STAG1: variants seen among roughly 807,000 people sequenced by gnomAD.
STAG1 encodes the protein STAG1 cohesin complex component.
A neutral mutation model predicts 170.9 loss-of-function variants in STAG1; 26 were observed. The observed-to-expected ratio is 0.15, with a 90% CI of 0.11 to 0.21. STAG1 has a LOEUF of 0.21. Among genes scored for constraint, STAG1 ranks in the 10% least tolerant of loss-of-function variants. The pLI, the probability that STAG1 is intolerant of heterozygous loss-of-function variation, is 1.00. For synonymous variants in STAG1, 514 were observed against 497.7 expected, an observed-to-expected ratio of 1.03 and a Z score of -0.44; for missense variants, 964 against 1,509.5, an observed-to-expected ratio of 0.64 and a Z score of 5.99.
rs2089136801 is a variant in STAG1, at chr3:136,457,180, C to T, written c.1314-5033G>A. Among the ~76,000 whole-genome samples, 4 of 152,192 alleles carry T rather than the reference C, an allele frequency of 2.6e-5. No homozygotes were observed. In the South Asian group the frequency reaches 8.3e-4, roughly 32 times the overall value. On this transcript the variant is annotated intron_variant, in intron 13 of 33. Coordinates refer to ENST00000383202, the MANE Select transcript of STAG1 (RefSeq NM_005862.3). The stretch of plus-strand genomic sequence containing the variant: ...GTCTGTGCCAAAGGGTGGAAGGCTG[C>T]CCTGCCGCACCACAAATATAAGCCC...
intron 21 of STAG1, among the ~76,000 whole-genome samples, chr3:136,410,401 T>C (rs2087593666): frequency 6.6e-6 from 1 of 151,846 alleles, no homozygotes; most frequent in Non-Finnish European, 1.5e-5. Context: ...AAGACTCTGT[T>C]TGAAAATAAA....
intron 7 of STAG1, among the ~76,000 whole-genome samples, chr3:136,515,852 T>A (rs138810355): frequency 6.6e-6 from 1 of 152,138 alleles, no homozygotes; most frequent in African/African-American, 2.4e-5. Context: ...CTATTGGGCA[T>A]TAATCCCACG....
chr3:136,585,185 T>C (rs1253625875), intron 4 of STAG1, among the ~76,000 whole-genome samples: 2 of 152,200 alleles, frequency 1.3e-5, no homozygotes, highest in African/African-American at 2.4e-5. Flanking sequence ...CTCACACCTA[T>C]AATCCCAGCA....
chr3:136,734,595 G>A (rs1934233311), intron 1 of STAG1, among the ~76,000 whole-genome samples: 1 of 152,068 alleles, frequency 6.6e-6, no homozygotes, highest in Admixed American at 6.6e-5. Flanking sequence ...GCAGCAGGGG[G>A]CACACTGACA....
intron 5 of STAG1, among the ~76,000 whole-genome samples, chr3:136,545,618 G>C (rs1936122526): frequency 6.6e-6 from 1 of 151,988 alleles, no homozygotes; most frequent in African/African-American, 2.4e-5. Context: ...GGGGGTCTGG[G>C]GAAGAGGTAA....
At chr3:136,612,733 A>G (rs1359952500) in intron 3 of STAG1, among the ~76,000 whole-genome samples, 3 of 152,176 alleles carry the variant, frequency 2.0e-5, no homozygotes, top group Non-Finnish European at 4.4e-5. Flanking sequence ...AGGTCATTCA[A>G]AAAAATTGTT....
intron 5 of STAG1, among the ~76,000 whole-genome samples, chr3:136,558,483 T>C (rs913410676): frequency 6.6e-6 from 1 of 152,218 alleles, no homozygotes; most frequent in Non-Finnish European, 1.5e-5. Context: ...ACACAGTTCA[T>C]GCAAGAGAAA....
intron 1 of STAG1, among the ~76,000 whole-genome samples, chr3:136,709,494 G>C (rs1341892776): frequency 6.6e-6 from 1 of 152,038 alleles, no homozygotes; most frequent in Non-Finnish European, 1.5e-5. Flanking sequence ...CAGCAATTTG[G>C]GAGGTCGAGG....
chr3:136,495,880 A>G lies in STAG1; in HGVS notation c.902+4343T>C, dbSNP rs181557308. 1.2e-4 allele frequency among the ~76,000 whole-genome samples: 18 copies of G among 151,586 alleles called. No homozygotes were observed. The East Asian group carries it at 3.5e-3, about 30-fold the overall frequency. ...GCTACTCGGGAGGCTGAGGCAGGAGAATGGCGTGAACCTGGGAGGCGGAGC... is the reference window on the plus strand; with the variant it reads ...GCTACTCGGGAGGCTGAGGCAGGAGGATGGCGTGAACCTGGGAGGCGGAGC... On this transcript the variant is annotated intron_variant, in intron 9 of 33. Coordinates refer to ENST00000383202, the MANE Select transcript of STAG1 (RefSeq NM_005862.3).
At chr3:136,408,388 C>T (rs1032319781) in intron 21 of STAG1, among the ~76,000 whole-genome samples, 5 of 152,018 alleles carry the variant, frequency 3.3e-5, no homozygotes, top group African/African-American at 1.2e-4. Context: ...TGTAACAGAA[C>T]CTAGAATGGA....
At chr3:136,401,441 T>C (rs1173559455) in intron 21 of STAG1, among the ~76,000 whole-genome samples, 1 of 152,230 alleles carries the variant, frequency 6.6e-6, no homozygotes, top group East Asian at 1.9e-4. Context: ...GTATGTACAA[T>C]GTTATTAGAT....
At chr3:136,428,906 G>A (rs1456806146) in intron 16 of STAG1, among the ~76,000 whole-genome samples, 1 of 152,222 alleles carries the variant, frequency 6.6e-6, no homozygotes, top group Non-Finnish European at 1.5e-5. Flanking sequence ...ATGCCAAGGT[G>A]GGAGAATCAC....
At chr3:136,673,809 T>C (rs1942045810) in intron 1 of STAG1, among the ~76,000 whole-genome samples, 1 of 151,750 alleles carries the variant, frequency 6.6e-6, no homozygotes, top group Non-Finnish European at 1.5e-5. Context: ...TTATAGAAAA[T>C]ATAAAAATAC....
intron 12 of STAG1, among the ~76,000 whole-genome samples, chr3:136,469,351 G>C (rs1246646149): frequency 1.3e-5 from 2 of 152,062 alleles, no homozygotes; most frequent in Non-Finnish European, 2.9e-5. Context: ...CAGACAAACA[G>C]AGAGCCAAAT....
intron 1 of STAG1, among the ~76,000 whole-genome samples, chr3:136,672,800 A>G (rs1050107379): frequency 6.6e-6 from 1 of 152,226 alleles, no homozygotes; most frequent in East Asian, 1.9e-4. Context: ...GGTAAAGTTC[A>G]TATTTTAAAA....
chr3:136,619,183 A>C (rs1421488043), intron 3 of STAG1, among the ~76,000 whole-genome samples: 1 of 151,788 alleles, frequency 6.6e-6, no homozygotes, highest in Non-Finnish European at 1.5e-5. Context: ...AATTATTTCA[A>C]AATGAAAAAT....
At chr3:136,540,641 G>A (rs925965942) in intron 6 of STAG1, among the ~76,000 whole-genome samples, 1 of 151,506 alleles carries the variant, frequency 6.6e-6, no homozygotes, top group Non-Finnish European at 1.5e-5. Context: ...GGACAACATG[G>A]AGAAATCCTG....
At chr3:136,666,188 G>T (rs552867918) in intron 1 of STAG1, among the ~76,000 whole-genome samples, 48 of 150,034 alleles carry the variant, frequency 3.2e-4, no homozygotes, top group African/African-American at 1.2e-3. Flanking sequence ...GGGAAATAGG[G>T]CTTAGTCCTA....
chr3:136,570,626 G>A (rs182303996), intron 4 of STAG1, among the ~76,000 whole-genome samples: 3 of 152,308 alleles, frequency 2.0e-5, no homozygotes, highest in South Asian at 4.1e-4. Flanking sequence ...ATAACAAGTT[G>A]TAATAAATCA....
Sources: allele counts gnomAD v4.1 joint callset (sites outside exome capture counted in the v4.1 genomes callset), GRCh38; gene constraint gnomAD v4.1.1; transcripts MANE v1.5; gene names NCBI Gene and HGNC (gene_info 2026-07-23, HGNC 2026-07-21).